Variants in ADI1 observed in about 807,000 individuals in gnomAD.
The protein encoded by ADI1 is acireductone dioxygenase.
ADI1 carries 21 observed loss-of-function variants against 18.7 expected under a neutral mutation model. The ratio of observed to expected loss-of-function variants is 1.13; its 90% confidence interval spans 0.80 to 1.62. The LOEUF (loss-of-function observed/expected upper bound fraction) is 1.62. Ranked by LOEUF, ADI1 falls within the 40% of genes most tolerant of loss-of-function variation. ADI1 has a pLI of 0.00. For missense variants in ADI1, 245 were observed against 254.9 expected, an observed-to-expected ratio of 0.96 and a Z score of 0.26; for synonymous variants, 90 against 100.1, an observed-to-expected ratio of 0.90 and a Z score of 0.60.
chr2:3,519,521 G>C lies in ADI1; in HGVS notation c.-34C>G. On this transcript the variant is annotated 5_prime_UTR_variant, in exon 1 of 4. Transcript: ENST00000327435. ...GTGCGGGTGCCGTGTTCGAACCCAG[G>C]GGCCGCGCTCGGAGCCCGTCGGCCG... 2.4e-6 allele frequency: 3 copies of C among 1,256,570 alleles called. No individual in the cohort carries two copies. The highest frequency in any genetic ancestry group is 3.0e-6 in the Non-Finnish European group (3 of 999,160). 77.8% of individuals were successfully genotyped at this position (1,256,570 alleles called of 1,614,324 possible). A position where few individuals can be genotyped will look rare whatever the true frequency, so the allele number is the denominator to read the frequency against.
At position 3,499,089 on chromosome 2, in the gene ADI1, AACAG is replaced by A; in HGVS notation, c.421-11_421-8del. The stretch of plus-strand genomic sequence containing the variant: ...GCATGGCCTTCGTGTAGTTCTGGAA[AACAG>A]ACAAACACACCCAGCATCTCATTAA... On this transcript the variant is annotated splice_region_variant and splice_polypyrimidine_tract_variant and intron_variant, in intron 3 of 3. Coordinates refer to ENST00000327435, the MANE Select transcript of ADI1 (RefSeq NM_018269.4). 6.2e-7 allele frequency: 1 copy of A among 1,612,228 alleles called. No homozygotes were observed. Among genetic ancestry groups the A allele is most frequent in the Non-Finnish European group, 8.5e-7 (1 of 1,178,488 alleles).
Position 3,513,846 on chromosome 2 carries a change from G to A in ADI1, c.240+11C>T. 2 of 1,586,648 alleles carry A rather than the reference G, an allele frequency of 1.3e-6. No homozygotes were observed. Among genetic ancestry groups the A allele is most frequent in the South Asian group, 1.2e-5 (1 of 85,376 alleles). ...GATACTTCTTTTCCAGGTAATCCAG[G>A]GCTCCCTTACCTTTTCTTCATAATT... On this transcript the variant is annotated intron_variant, in intron 2 of 3. Coordinates refer to ENST00000327435, the MANE Select transcript of ADI1 (RefSeq NM_018269.4).
chr2:3,509,797 C>A (rs1017168086), intron 2 of ADI1, among the ~76,000 whole-genome samples: 2 of 151,378 alleles, frequency 1.3e-5, no homozygotes, highest in African/African-American at 4.9e-5. Flanking sequence ...GAGTTCAAGA[C>A]CAACCTGAAC....
Position 3,498,763 on chromosome 2 carries a change from A to G in ADI1, c.*200T>C. 1 of 776,252 alleles carries G rather than the reference A, an allele frequency of 1.3e-6. No homozygotes were observed. 48.1% of individuals were successfully genotyped at this position (776,252 alleles called of 1,614,324 possible). Reference sequence around the variant, plus strand: ...CACCAGTCTTGATTGAGTTACAGAAAATGAAGGTGACTCTTTACACTTCCA... The same window carrying G: ...CACCAGTCTTGATTGAGTTACAGAAGATGAAGGTGACTCTTTACACTTCCA... On this transcript the variant is annotated 3_prime_UTR_variant, in exon 4 of 4. Coordinates refer to ENST00000327435, the MANE Select transcript of ADI1 (RefSeq NM_018269.4).
intron 3 of ADI1, among the ~76,000 whole-genome samples, chr2:3,500,022 G>A (rs1315077256): frequency 6.7e-6 from 1 of 149,984 alleles, no homozygotes; most frequent in African/African-American, 2.5e-5. Context: ...CCGAGATCAA[G>A]CCACTACATG....
intron 2 of ADI1, among the ~76,000 whole-genome samples, chr2:3,506,774 A>G (rs760544231): frequency 1.6e-4 from 25 of 152,262 alleles, no homozygotes; most frequent in Non-Finnish European, 2.8e-4. Flanking sequence ...AAGAACCGAC[A>G]CTACCTGACT....
At chr2:3,519,164 C>T (rs1667500345) in intron 1 of ADI1, 9 of 693,078 alleles carry the variant, frequency 1.3e-5, no homozygotes, top group Non-Finnish European at 1.9e-5. Context: ...CGCAGGAGGC[C>T]CTGACCACCC....
chr2:3,511,601 CAAG>C (rs1212163603), intron 2 of ADI1, among the ~76,000 whole-genome samples: 1 of 152,120 alleles, frequency 6.6e-6, no homozygotes, highest in Non-Finnish European at 1.5e-5. Context: ...TATAGCAATG[CAAG>C]AACAACCTAA....
At chr2:3,515,240 C>T (rs1448286805) in intron 1 of ADI1, 1 of 161,346 alleles carries the variant, frequency 6.2e-6, no homozygotes, top group Admixed American at 6.0e-5. Flanking sequence ...AAATTCTTTT[C>T]CTAGGAAGGA....
At chr2:3,500,730 G>A in intron 3 of ADI1, 84 bp downstream of exon 3, 1 of 1,580,010 alleles carries the variant, frequency 6.3e-7, no homozygotes, top group Non-Finnish European at 8.7e-7. Context: ...GGAGTCTGCG[G>A]AAGCCGCGCA....
At chr2:3,499,150 C>T (rs1666936338) in intron 3 of ADI1, 68 bp from the exon 4 acceptor site, 3 of 1,537,240 alleles carry the variant, frequency 2.0e-6, no homozygotes, top group African/African-American at 1.4e-5. Flanking sequence ...TATTTATTAA[C>T]ATATCAACTT....
chr2:3,515,653 C>T (rs1471186730), intron 1 of ADI1: 1 of 152,296 alleles, frequency 6.6e-6, no homozygotes, highest in Admixed American at 6.6e-5. Flanking sequence ...GCTTTTTGCC[C>T]TTTGAAGCCT....
chr2:3,503,308 G>GCACACATACAC (rs1667075346), intron 2 of ADI1, among the ~76,000 whole-genome samples: 1 of 43,302 alleles, frequency 2.3e-5, no homozygotes, highest in Non-Finnish European at 3.8e-5. Flanking sequence ...CATACACACT[G>GCACACATACAC]ACACGCACAT....
At chr2:3,508,334 C>CAAAAAAAAAAAAAAAAAAAA (rs33977448) in intron 2 of ADI1, among the ~76,000 whole-genome samples, 2 of 26,924 alleles carry the variant, frequency 7.4e-5, no homozygotes, top group Non-Finnish European at 9.9e-5. Flanking sequence ...GACTCTGTCT[C>CAAAAAAAAAAAAAAAAAAAA]AAAAAAAAAA....
chr2:3,503,215 G>A (rs1479647579), intron 2 of ADI1, among the ~76,000 whole-genome samples: 2 of 114,900 alleles, frequency 1.7e-5, no homozygotes, highest in East Asian at 2.3e-4. Context: ...TCACACACAT[G>A]CACACACGTA....
At chr2:3,503,493 GTA>G (rs1667091797) in intron 2 of ADI1, among the ~76,000 whole-genome samples, 3 of 85,718 alleles carry the variant, frequency 3.5e-5, no homozygotes, top group African/African-American at 1.7e-4. Flanking sequence ...TCATGCACAC[GTA>G]CACACACACG....
At chr2:3,508,455 T>G (rs906987550) in intron 2 of ADI1, among the ~76,000 whole-genome samples, 1 of 149,590 alleles carries the variant, frequency 6.7e-6, no homozygotes, top group African/African-American at 2.5e-5. Context: ...ACATGAATGA[T>G]CTAAATATAC....
chr2:3,500,994 C>G lies in ADI1; in HGVS notation c.241-1G>C. 3.8e-6 allele frequency: 6 copies of G among 1,596,936 alleles called. No homozygotes were observed. The highest frequency in any genetic ancestry group is 5.1e-6 in the Non-Finnish European group (6 of 1,170,472). On this transcript the variant is annotated splice_acceptor_variant, in intron 2 of 3. Coordinates refer to ENST00000327435, the MANE Select transcript of ADI1 (RefSeq NM_018269.4). LOFTEE classifies it high-confidence loss of function. ...AATGCTCCTCGTAGAACATCTTAAT[C>G]TAGTGCAGAAGGAACATTCCTGTGA...
intron 1 of ADI1, among the ~76,000 whole-genome samples, chr2:3,518,732 C>CTT (rs1667463105): frequency 1.3e-5 from 2 of 152,216 alleles, no homozygotes; most frequent in African/African-American, 4.8e-5. Context: ...GTCCCCCTTC[C>CTT]TCCGATAGAA....
Sources: allele counts gnomAD v4.1 joint callset (sites outside exome capture counted in the v4.1 genomes callset), GRCh38; gene constraint gnomAD v4.1.1; transcripts MANE v1.5; gene names NCBI Gene and HGNC (gene_info 2026-07-23, HGNC 2026-07-21).